SGMS1: variants seen among roughly 807,000 people sequenced by gnomAD.
SGMS1 encodes the protein phosphatidylcholine:ceramide cholinephosphotransferase 1.
In SGMS1, 13 loss-of-function variants were observed where a neutral mutation model predicts 46.2. The ratio of observed to expected loss-of-function variants is 0.28; its 90% CI spans 0.18 to 0.45. The LOEUF (loss-of-function observed/expected upper bound fraction) is 0.45. Among genes scored for constraint, SGMS1 ranks in the 20% least tolerant of loss-of-function variants. SGMS1 has a pLI of 1.00. For synonymous variants in SGMS1, 203 were observed against 187.8 expected (o/e 1.08, Z -0.66); for missense variants, 324 against 519.9 (o/e 0.62, Z 3.66).
chr10:50,354,854 C>A (rs1848111031), intron 6 of SGMS1, among the ~76,000 whole-genome samples: 1 of 152,192 alleles, frequency 6.6e-6, no homozygotes, highest in African/African-American at 2.4e-5. Flanking sequence ...CTCATCATCA[C>A]TGACCATCAG....
intron 6 of SGMS1, among the ~76,000 whole-genome samples, chr10:50,420,781 A>G (rs1324489056): frequency 1.3e-5 from 2 of 152,202 alleles, no homozygotes; most frequent in Non-Finnish European, 2.9e-5. Context: ...AAAAAATACA[A>G]TTGTGTTTGT....
intron 6 of SGMS1, among the ~76,000 whole-genome samples, chr10:50,365,508 G>A (rs560015976): frequency 1.6e-4 from 24 of 151,950 alleles, no homozygotes; most frequent in Non-Finnish European, 2.6e-4. Context: ...GGTGGTCTGC[G>A]GTACCTATTA....
chr10:50,340,957 T>C (rs1404935483), intron 7 of SGMS1, among the ~76,000 whole-genome samples: 1 of 152,146 alleles, frequency 6.6e-6, no homozygotes, highest in East Asian at 1.9e-4. Flanking sequence ...CTGTTGGGAA[T>C]TACTGGCCAA....
intron 6 of SGMS1, among the ~76,000 whole-genome samples, chr10:50,391,570 G>A (rs2133509145): frequency 6.6e-6 from 1 of 152,258 alleles, no homozygotes; most frequent in East Asian, 1.9e-4. Flanking sequence ...CCGCTGGTGG[G>A]AATGTAAATT....
chr10:50,482,229 C>G (rs927248069), intron 3 of SGMS1, among the ~76,000 whole-genome samples: 3 of 152,050 alleles, frequency 2.0e-5, no homozygotes, highest in African/African-American at 7.2e-5. Context: ...TCAGATTCTC[C>G]AAGGTCAAAG....
chr10:50,511,979 C>T (rs969965777), intron 3 of SGMS1, among the ~76,000 whole-genome samples: 1 of 152,150 alleles, frequency 6.6e-6, no homozygotes, highest in Admixed American at 6.6e-5. Flanking sequence ...ACCCTCAGCT[C>T]CCACGCACAC....
intron 1 of SGMS1, among the ~76,000 whole-genome samples, chr10:50,622,671 G>A (rs1838864889): frequency 6.6e-6 from 1 of 152,240 alleles, no homozygotes; most frequent in Non-Finnish European, 1.5e-5. Context: ...ACTGTTTGAA[G>A]GTGAAAAGAA....
chr10:50,536,546 A>G lies in SGMS1; in HGVS notation c.-588-16625T>C, dbSNP rs151180292. ...ACTGCTTAATTACAAAAATAATTCT[A>G]CATGCTCACAGAAAACATTTTATGT... On this transcript the variant is annotated intron_variant, in intron 2 of 10. Transcript: ENST00000361781. Among the ~76,000 whole-genome samples the G allele has an allele frequency of 3.2e-3, 494 of 152,334 alleles. 4 individuals are homozygous for G. Among genetic ancestry groups the G allele is most frequent in the Middle Eastern group, 0.014 (4 of 294 alleles).
intron 2 of SGMS1, among the ~76,000 whole-genome samples, chr10:50,533,424 A>G (rs528601293): frequency 1.8e-4 from 28 of 152,302 alleles, no homozygotes; most frequent in African/African-American, 6.7e-4. Flanking sequence ...AGCACAGTGA[A>G]TCAAAAGCAC....
rs2217899 is a variant in SGMS1 at position 50,325,718 on chromosome 10, C to A, written c.741+1487G>T. Among the ~76,000 whole-genome samples, 249 of 152,128 alleles carry A rather than the reference C, an allele frequency of 1.6e-3. 1 individual carries two copies. Among genetic ancestry groups the A allele is most frequent in the African/African-American group, 5.5e-3 (229 of 41,494 alleles). ...GAGTAGGGAGAAAGGCTACATGGTA[C>A]GGCCCCTCAATACTGGATCCATCTT... On this transcript the variant is annotated intron_variant, in intron 8 of 10. Transcript: ENST00000361781.
intron 3 of SGMS1, among the ~76,000 whole-genome samples, chr10:50,478,567 A>G (rs562978684): frequency 6.6e-6 from 1 of 152,290 alleles, no homozygotes; most frequent in Non-Finnish European, 1.5e-5. Flanking sequence ...GGTTAATTGT[A>G]CCATCCATTT....
intron 5 of SGMS1, among the ~76,000 whole-genome samples, chr10:50,454,984 C>T (rs1213401481): frequency 1.3e-5 from 2 of 152,142 alleles, no homozygotes; most frequent in African/African-American, 4.8e-5. Context: ...GTTTACCTCC[C>T]TCTTTATTAC....
At chr10:50,509,852 A>T (rs1048770569) in intron 3 of SGMS1, among the ~76,000 whole-genome samples, 2 of 152,234 alleles carry the variant, frequency 1.3e-5, no homozygotes, top group Non-Finnish European at 2.9e-5. Flanking sequence ...GCCAAAGTGC[A>T]TCATCAATTA....
At chr10:50,494,593 G>C (rs374039147) in intron 3 of SGMS1, among the ~76,000 whole-genome samples, 1 of 152,146 alleles carries the variant, frequency 6.6e-6, no homozygotes, top group South Asian at 2.1e-4. Flanking sequence ...ACATGGACAC[G>C]TAGAGGGGAA....
At chr10:50,508,843 C>G (rs1032958802) in intron 3 of SGMS1, among the ~76,000 whole-genome samples, 1 of 152,190 alleles carries the variant, frequency 6.6e-6, no homozygotes, top group African/African-American at 2.4e-5. Flanking sequence ...AATGTCATCT[C>G]CTATGTAATA....
rs1184833494 is a variant in SGMS1 at position 50,421,990 on chromosome 10, T to G, written c.-232+11486A>C. Among the ~76,000 whole-genome samples, 13 of 152,268 alleles carry G rather than the reference T, an allele frequency of 8.5e-5. 1 individual carries two copies. ...TGCCTGACAACCTTCTTGCATTCTT[T>G]TTAGTACATATCCCATTCCAGACCA... On this transcript the variant is annotated intron_variant, in intron 6 of 10. Coordinates refer to ENST00000361781, the MANE Select transcript of SGMS1 (RefSeq NM_147156.4).
chr10:50,375,455 G>A (rs2842110), intron 6 of SGMS1, among the ~76,000 whole-genome samples: 18,769 of 152,210 alleles, frequency 0.12, 1,324 homozygotes, highest in Middle Eastern at 0.22. Flanking sequence ...ATCAACTGGA[G>A]TGGATTCAAA....
At chr10:50,562,010 T>C (rs749496322) in intron 2 of SGMS1, among the ~76,000 whole-genome samples, 7 of 152,052 alleles carry the variant, frequency 4.6e-5, no homozygotes, top group Non-Finnish European at 7.4e-5. Flanking sequence ...AACAGGTGAG[T>C]TGAAATTTGA....
chr10:50,618,797 G>A (rs1838821295), intron 1 of SGMS1, among the ~76,000 whole-genome samples: 1 of 152,178 alleles, frequency 6.6e-6, no homozygotes, highest in Non-Finnish European at 1.5e-5. Context: ...CCTTAGAGCA[G>A]CGGTTCTCAA....
Sources: allele counts gnomAD v4.1 joint callset (sites outside exome capture counted in the v4.1 genomes callset), GRCh38; gene constraint gnomAD v4.1.1; transcripts MANE v1.5; gene names NCBI Gene and HGNC (gene_info 2026-07-23, HGNC 2026-07-21).